Variants in CDC42BPB observed in about 807,000 individuals in gnomAD.
CDC42BPB encodes the protein serine/threonine-protein kinase MRCK beta.
CDC42BPB carries 37 observed loss-of-function variants against 214.9 expected under a neutral mutation model. The observed-to-expected ratio is 0.17, with a 90% CI of 0.13 to 0.23. CDC42BPB has a LOEUF of 0.23. Among genes scored for constraint, CDC42BPB ranks in the 10% least tolerant of loss-of-function variants. CDC42BPB has a pLI of 1.00. For missense variants in CDC42BPB, 1,694 were observed against 2,227.0 expected, an observed-to-expected ratio of 0.76 and a Z score of 4.82; for synonymous variants, 931 against 884.0, an observed-to-expected ratio of 1.05 and a Z score of -0.94.
At chr14:102,998,823 G>A (rs1236490065) in intron 5 of CDC42BPB, among the ~76,000 whole-genome samples, 4 of 152,132 alleles carry the variant, frequency 2.6e-5, no homozygotes, top group Non-Finnish European at 4.4e-5. Flanking sequence ...GGGACAGAGG[G>A]CCCCAGGCCC....
chr14:103,006,846 G>A (rs1348815991), intron 3 of CDC42BPB, among the ~76,000 whole-genome samples: 1 of 152,106 alleles, frequency 6.6e-6, no homozygotes, highest in Non-Finnish European at 1.5e-5. Flanking sequence ...AATTAAATCA[G>A]CAATATTTAC....
chr14:102,933,866 G>A (rs771945177), intron 36 of CDC42BPB, 23 bp from the exon 37 acceptor site: 2 of 1,498,484 alleles, frequency 1.3e-6, no homozygotes, highest in East Asian at 5.4e-5. Flanking sequence ...AGAGGGCAGG[G>A]TGAGCACCCG....
intron 29 of CDC42BPB, chr14:102,945,430 A>AC (rs879701699): frequency 7.2e-5 from 40 of 556,390 alleles, no homozygotes; most frequent in Admixed American, 1.6e-4. Context: ...GCTTTCCTTG[A>AC]CCCCCCACCC....
intron 1 of CDC42BPB, among the ~76,000 whole-genome samples, chr14:103,056,748 G>C (rs1171550294): frequency 6.6e-6 from 1 of 152,088 alleles, no homozygotes; most frequent in Admixed American, 6.5e-5. Flanking sequence ...GATCGAACGC[G>C]GATGTCGAGC....
intron 6 of CDC42BPB, among the ~76,000 whole-genome samples, chr14:102,985,028 A>G (rs1183007536): frequency 7.5e-5 from 11 of 145,844 alleles, no homozygotes; most frequent in East Asian, 6.4e-4. Flanking sequence ...TGGTTAAACC[A>G]TGACGGGGTG....
chr14:103,043,095 A>G (rs1208451904), intron 1 of CDC42BPB, among the ~76,000 whole-genome samples: 1 of 152,178 alleles, frequency 6.6e-6, no homozygotes, highest in Non-Finnish European at 1.5e-5. Context: ...AGCCACCTCT[A>G]CTAAAAATAC....
In CDC42BPB at chr14:102,933,841, A is replaced by G; in HGVS notation, c.5007T>C (p.Pro1669=). ...TTGAGTGTTTGGTGGAGTCCGAATC[A>G]GGCTGTGAACAGGAAGAGGGCAGGG... The part of the protein sequence containing the change: ...SDPDQDFDKE[P]DSDSTKHSTP... Residue 1669 remains proline (P), a splice_region_variant and synonymous_variant, in exon 37 of 37, where the codon CCT becomes CCC. Coordinates refer to ENST00000361246, the MANE Select transcript of CDC42BPB (RefSeq NM_006035.4). 1 of 1,522,572 alleles carries G rather than the reference A, an allele frequency of 6.6e-7. No individual in the cohort carries two copies. Among genetic ancestry groups the G allele is most frequent in the Non-Finnish European group, 8.8e-7 (1 of 1,142,234 alleles). 94.3% of individuals were successfully genotyped at this position (1,522,572 alleles called of 1,614,324 possible).
At chr14:102,975,551 A>C in intron 11 of CDC42BPB, 133 bp downstream of exon 11, 1 of 960,264 alleles carries the variant, frequency 1.0e-6, no homozygotes, top group Non-Finnish European at 1.6e-6. Context: ...AAAATTTGAG[A>C]ACTCTAAATA....
At chr14:103,014,035 G>A (rs751045809) in intron 1 of CDC42BPB, among the ~76,000 whole-genome samples, 31 of 152,132 alleles carry the variant, frequency 2.0e-4, no homozygotes, top group Admixed American at 3.3e-4. Flanking sequence ...GCGTGGTGGC[G>A]GGCGCCTGCG....
At chr14:102,978,479 A>AT (rs1259777452) in intron 8 of CDC42BPB, 1 of 251,004 alleles carries the variant, frequency 4.0e-6, no homozygotes, top group Non-Finnish European at 6.3e-6. Flanking sequence ...CAGGTTAGTG[A>AT]TTTTCAAAGA....
chr14:103,053,381 C>T (rs1371988398), intron 1 of CDC42BPB, among the ~76,000 whole-genome samples: 3 of 151,284 alleles, frequency 2.0e-5, no homozygotes, highest in Admixed American at 6.6e-5. Flanking sequence ...AGAATACACA[C>T]GCAAAGCTGG....
chr14:102,938,477 G>T (rs987962768), intron 34 of CDC42BPB, 66 bp from the exon 35 acceptor site: 53 of 1,502,058 alleles, frequency 3.5e-5, no homozygotes, highest in Non-Finnish European at 4.6e-5. Flanking sequence ...TGCGAAGTTT[G>T]TGCAACCTAC....
chr14:102,978,338 G>T (rs1331517726), intron 8 of CDC42BPB, 133 bp from the exon 9 acceptor site: 6 of 1,497,212 alleles, frequency 4.0e-6, no homozygotes. Context: ...CGGATTCCAT[G>T]GTGTCCTCTG....
chr14:102,943,305 G>A lies in CDC42BPB; in HGVS notation c.4408+586C>T, dbSNP rs935549208. 3.3e-5 allele frequency among the ~76,000 whole-genome samples: 5 copies of A among 152,282 alleles called. No homozygotes were observed. In the East Asian group the frequency reaches 5.8e-4, roughly 18 times the overall value. On this transcript the variant is annotated intron_variant, in intron 30 of 36. Coordinates refer to ENST00000361246, the MANE Select transcript of CDC42BPB (RefSeq NM_006035.4). This position sits in a 1 kb window ranked among gnomAD's most constrained non-coding sequence, Gnocchi z 4.6. ...AAGGTTTTAAAAGCAATCGGACAGC[G>A]GGCCAGTCGGGAAGTGTCCACTGGT... is the stretch of plus-strand genomic sequence containing the variant.
intron 1 of CDC42BPB, among the ~76,000 whole-genome samples, chr14:103,056,006 C>T (rs991744359): frequency 6.6e-6 from 1 of 152,234 alleles, no homozygotes; most frequent in East Asian, 1.9e-4. Context: ...GTCTGAGGGT[C>T]TTGACCGGCA....
intron 1 of CDC42BPB, among the ~76,000 whole-genome samples, chr14:103,022,679 C>T (rs1886836460): frequency 6.6e-6 from 1 of 152,174 alleles, no homozygotes; most frequent in African/African-American, 2.4e-5. Context: ...GGGTATCACC[C>T]AGAGATCACA....
Position 102,943,521 on chromosome 14 carries a change from T to G in CDC42BPB, c.4408+370A>C, listed in dbSNP as rs1202575544. Among the ~76,000 whole-genome samples the G allele has an allele frequency of 1.3e-5, 2 of 152,142 alleles. No individual in the cohort carries two copies. The highest frequency in any genetic ancestry group is 4.8e-5 in the African/African-American group (2 of 41,424). The stretch of plus-strand genomic sequence containing the variant: ...AACCCCTCAAGCTTGTCTTTACTAC[T>G]GTGTAAGTTTCTGTATTATCACGAG... On this transcript the variant is annotated intron_variant, in intron 30 of 36. Coordinates refer to ENST00000361246, the MANE Select transcript of CDC42BPB (RefSeq NM_006035.4). This position sits in a 1 kb window ranked among gnomAD's most constrained non-coding sequence, Gnocchi z 4.6.
At chr14:103,032,073 G>A (rs1209341646) in intron 1 of CDC42BPB, among the ~76,000 whole-genome samples, 3 of 151,742 alleles carry the variant, frequency 2.0e-5, no homozygotes, top group Admixed American at 1.3e-4. Context: ...GCACCAGCCG[G>A]CGGCCAGCCT....
In CDC42BPB at chr14:103,056,993, A is replaced by G. The variant is rs1250919877; in HGVS notation, c.175+6T>C. On this transcript the variant is annotated splice_donor_region_variant and intron_variant, in intron 1 of 36. Transcript: ENST00000361246. ...CGCAGGTCCGGCCCTGCCGGCGCGC[A>G]CTTACCCCACTCGAGGAACTCGGCC... 1.4e-6 allele frequency: 2 copies of G among 1,442,852 alleles called. No individual in the cohort carries two copies. The highest frequency in any genetic ancestry group is 1.8e-6 in the Non-Finnish European group (2 of 1,097,066). 89.4% of individuals were successfully genotyped at this position (1,442,852 alleles called of 1,614,324 possible).
Sources: gnomAD v4.1 joint callset for allele counts (sites outside exome capture counted in the v4.1 genomes callset) on GRCh38, gnomAD v4.1.1 for gene constraint, Gnocchi (gnomAD v3.1) non-coding constraint, MANE v1.5 for transcripts, NCBI Gene and HGNC (gene_info 2026-07-23, HGNC 2026-07-21) for gene names.